DDX24: variants seen among roughly 807,000 people sequenced by gnomAD.
DDX24 encodes DEAD-box helicase 24.
DDX24 carries 24 observed loss-of-function variants against 68.9 expected under a neutral mutation model. The ratio of observed to expected loss-of-function variants is 0.35; its 90% CI spans 0.25 to 0.49. DDX24 has a LOEUF of 0.49. DDX24 is among the 20% of genes least tolerant of loss of function. The probability of loss-of-function intolerance (pLI) is 0.99; values close to 1 mark genes in which losing one functional copy is unlikely to be tolerated. For synonymous variants in DDX24, 395 were observed against 385.2 expected (o/e 1.03, Z -0.30); for missense variants, 989 against 1,039.0 (o/e 0.95, Z 0.66).
chr14:94,080,754 G>A (rs1886065754), intron 1 of DDX24, among the ~76,000 whole-genome samples: 1 of 152,174 alleles, frequency 6.6e-6, no homozygotes, highest in African/African-American at 2.4e-5. Flanking sequence ...TCAACAAGGA[G>A]AGGGCGAGGG....
chr14:94,055,935 C>T (rs1392693974), intron 6 of DDX24: 1 of 152,224 alleles, frequency 6.6e-6, no homozygotes, highest in Non-Finnish European at 1.5e-5. Flanking sequence ...AAATGCCAGG[C>T]ATGTTTTTAG....
Position 94,060,502 on chromosome 14 carries a change from C to A in DDX24, c.1509G>T (p.Thr503=), listed in dbSNP as rs775552312. ...NDSQYNPKRQ[T]LVFSATLTLV... ...GGGTGAGTGTGGCAGAAAAAACAAG[C>A]GTTTGTCTCTTTGGGTTGTATTGGG... Residue 503 remains threonine, a synonymous_variant, in exon 5 of 9, where the codon ACG becomes ACT. Transcript: ENST00000621632. The A allele has an allele frequency of 1.9e-6, 3 of 1,614,110 alleles. No individual in the cohort carries two copies. In the South Asian group the frequency reaches 3.3e-5, roughly 18 times the overall value.
Position 94,062,335 on chromosome 14 carries a change from A to G in DDX24, c.1005T>C (p.Asp335=), listed in dbSNP as rs1309683042. 2 of 1,614,238 alleles carry G rather than the reference A, an allele frequency of 1.2e-6. No individual in the cohort carries two copies. The highest frequency in any genetic ancestry group is 1.1e-5 in the South Asian group (1 of 91,084). The change falls in exon 3 of 9, where the codon GAT becomes GAC. Residue 335 remains aspartate, a synonymous_variant. Transcript: ENST00000621632. The stretch of plus-strand genomic sequence containing the variant: ...GGGAAGAAGGCCCTTCACCAGCATC[A>G]TCGTCACCAAAGAGCAACGCCTGGT... The part of the protein sequence containing the change: ...VSDQALLFGD[D]DAGEGPSSLI...
In DDX24 at chr14:94,051,293, G is replaced by A. The variant is rs779128937; in HGVS notation, c.2478C>T (p.Ser826=). ...TGGAGAGACAGCTCAAAGCAGACTCGCTCTTACTTGGGGCAGACACAAGCA... is the reference window on the plus strand; with the variant it reads ...TGGAGAGACAGCTCAAAGCAGACTCACTCTTACTTGGGGCAGACACAAGCA... ...PPLLVSAPSK[S]ESALSCLSKQ... is the part of the protein sequence containing the mutation. Residue 826 remains serine (S), a synonymous_variant, in exon 9 of 9, where the codon AGC becomes AGT. Transcript: ENST00000621632. 8.7e-6 allele frequency: 14 copies of A among 1,612,326 alleles called. No homozygotes were observed. Among genetic ancestry groups the A allele is most frequent in the African/African-American group, 1.3e-5 (1 of 74,680 alleles).
At chr14:94,056,411 A>G (rs904911653) in intron 6 of DDX24, 6 of 152,154 alleles carry the variant, frequency 3.9e-5, no homozygotes, top group Non-Finnish European at 7.3e-5. Context: ...ATCTTACCCA[A>G]TGAAGTCTCC....
chr14:94,079,675 A>T lies in DDX24; in HGVS notation c.68T>A (p.Ile23Asn). Residue 23 changes from isoleucine to asparagine, a missense_variant, in exon 2 of 9, where the codon ATC (isoleucine) becomes AAC (asparagine). Coordinates refer to ENST00000621632, the MANE Select transcript of DDX24 (RefSeq NM_020414.4). ...TTCCTTCCATTTTCCCACAACTTTG[A>T]TTCCCTTTGTCTGAAATTTGCCACA... ...SSCGKFQTKG[I>N]KVVGKWKEVK... 6.2e-7 allele frequency: 1 copy of T among 1,614,190 alleles called. No homozygotes were observed. The highest frequency in any genetic ancestry group is 8.5e-7 in the Non-Finnish European group (1 of 1,180,022).
intron 2 of DDX24, among the ~76,000 whole-genome samples, chr14:94,074,450 A>C (rs901580224): frequency 6.6e-6 from 1 of 152,260 alleles, no homozygotes; most frequent in African/African-American, 2.4e-5. Context: ...CCACATTGGC[A>C]GACTAAAAAT....
chr14:94,055,043 C>T lies in DDX24; in HGVS notation c.2131G>A (p.Asp711Asn). The change falls in exon 7 of 9, where the codon GAT becomes AAT. Residue 711 changes from aspartate (D) to asparagine (N), a missense_variant. By Grantham distance (23) the Asp-to-Asn change is conservative. Transcript: ENST00000621632. ...KIYKTLKKDEDIPLFPVQTKY... is the reference protein window; with the variant it reads ...KIYKTLKKDENIPLFPVQTKY... ...GTCTGCACGGGGAACAGTGGGATATCCTCATCTTTCTTGAGCGTTTTGTAA... is the reference window on the plus strand; with the variant it reads ...GTCTGCACGGGGAACAGTGGGATATTCTCATCTTTCTTGAGCGTTTTGTAA... The T allele has an allele frequency of 6.2e-7, 1 of 1,614,224 alleles. No individual in the cohort carries two copies. The highest frequency in any genetic ancestry group is 1.1e-5 in the South Asian group (1 of 91,076).
At chr14:94,058,809 T>C (rs1885537429) in intron 5 of DDX24, among the ~76,000 whole-genome samples, 1 of 152,240 alleles carries the variant, frequency 6.6e-6, no homozygotes, top group Admixed American at 6.5e-5. Flanking sequence ...AAACTTTTTC[T>C]GTAAAGAGCC....
intron 2 of DDX24, among the ~76,000 whole-genome samples, chr14:94,068,932 T>C (rs1885770934): frequency 6.6e-6 from 1 of 151,672 alleles, no homozygotes; most frequent in Non-Finnish European, 1.5e-5. Context: ...AAACAGACAA[T>C]CTAAGGTCAC....
rs760289255 is a variant in DDX24, at chr14:94,062,171, C to T, written c.1169G>A (p.Gly390Glu). 6.2e-7 allele frequency: 1 copy of T among 1,614,094 alleles called. No homozygotes were observed. The highest frequency in any genetic ancestry group is 2.2e-5 in the East Asian group (1 of 44,878). The change falls in exon 3 of 9, where the codon GGA becomes GAA. Residue 390 changes from glycine (G) to glutamate (E), a missense_variant. Gly to Glu is a moderately conservative substitution (Grantham distance 98, BLOSUM62 -2). Transcript: ENST00000621632. ...CTCTCGAGTGGGAGTCAGAACCAGTCCAAGCAGAGGACGCTTTGGATATGC... is the reference window on the plus strand; with the variant it reads ...CTCTCGAGTGGGAGTCAGAACCAGTTCAAGCAGAGGACGCTTTGGATATGC... The part of the protein sequence containing the change: ...CKAYPKRPLL[G>E]LVLTPTRELA...
intron 2 of DDX24, among the ~76,000 whole-genome samples, chr14:94,076,589 G>A (rs1885944849): frequency 6.6e-6 from 1 of 150,854 alleles, no homozygotes; most frequent in African/African-American, 2.4e-5. Context: ...GCTGAGGCAG[G>A]AGAATCACTT....
rs1885363838 is a variant in DDX24 at position 94,050,239 on chromosome 14, C to G, written c.*952G>C. Reference sequence around the variant, plus strand: ...ACATATTTATACCAGGCTGACCAAGCCTTGAGTTCCTCTTCTCCCAAGGAG... The same window carrying G: ...ACATATTTATACCAGGCTGACCAAGGCTTGAGTTCCTCTTCTCCCAAGGAG... On this transcript the variant is annotated 3_prime_UTR_variant, in exon 9 of 9. Coordinates refer to ENST00000621632, the MANE Select transcript of DDX24 (RefSeq NM_020414.4). 1 of 152,214 alleles carries G rather than the reference C, an allele frequency of 6.6e-6. No individual in the cohort carries two copies. The highest frequency in any genetic ancestry group is 1.5e-5 in the Non-Finnish European group (1 of 68,090). The allele number at this position is 152,214 out of a possible 1,614,324, so 9.4% of individuals were successfully genotyped here.
At position 94,051,029 on chromosome 14, in the gene DDX24, A is replaced by G; in HGVS notation, c.*162T>C. The G allele has an allele frequency of 1.4e-6, 1 of 736,770 alleles. No individual in the cohort carries two copies. Among genetic ancestry groups the G allele is most frequent in the East Asian group, 3.0e-5 (1 of 33,836 alleles). The allele number at this position is 736,770 out of a possible 1,614,324, so 45.6% of individuals were successfully genotyped here. A position where few individuals can be genotyped will look rare whatever the true frequency, so the allele number is the denominator to read the frequency against. On this transcript the variant is annotated 3_prime_UTR_variant, in exon 9 of 9. Transcript: ENST00000621632. Reference sequence around the variant, plus strand: ...CTGCATTGAATTCTTACTCCAAAACAATGCAAATCTGCATGAGGTCTCTCC... The same window carrying G: ...CTGCATTGAATTCTTACTCCAAAACGATGCAAATCTGCATGAGGTCTCTCC...
At chr14:94,073,086 C>CTTTTTTTTT (rs10716706) in intron 2 of DDX24, among the ~76,000 whole-genome samples, 1 of 125,688 alleles carries the variant, frequency 8.0e-6, no homozygotes, top group African/African-American at 3.0e-5. Flanking sequence ...ATTTTCTTTT[C>CTTTTTTTTT]TTTTTTTTTT....
In DDX24 at chr14:94,051,295, T is replaced by C. The variant is rs377666769; in HGVS notation, c.2476A>G (p.Ser826Gly). ...GAGAGACAGCTCAAAGCAGACTCGC[T>C]CTTACTTGGGGCAGACACAAGCAGG... ...PPLLVSAPSK[S>G]ESALSCLSKQ... The change falls in exon 9 of 9, where the codon AGC becomes GGC. Residue 826 changes from serine to glycine, a missense_variant. Around this residue, in one of 3 missense-constraint regions of DDX24, gnomAD observed 691 missense variants for 760.0 expected, o/e 0.91. Transcript: ENST00000621632. The C allele has an allele frequency of 1.1e-5, 18 of 1,612,664 alleles. No homozygotes were observed. The African/African-American group carries it at 2.1e-4, about 19-fold the overall frequency.
chr14:94,071,814 G>A (rs1265350721), intron 2 of DDX24, among the ~76,000 whole-genome samples: 7 of 151,872 alleles, frequency 4.6e-5, no homozygotes, highest in African/African-American at 7.3e-5. Flanking sequence ...GTATGGTGGC[G>A]CATGCCTGTA....
intron 2 of DDX24, among the ~76,000 whole-genome samples, chr14:94,077,346 T>G (rs1885964834): frequency 6.6e-6 from 1 of 152,216 alleles, no homozygotes; most frequent in Non-Finnish European, 1.5e-5. Context: ...ACAGGAACTG[T>G]GGTATACATC....
Position 94,070,909 on chromosome 14 carries a change from A to T in DDX24, c.718+8116T>A, listed in dbSNP as rs191996093. Among the ~76,000 whole-genome samples, 124 of 152,360 alleles carry T rather than the reference A, an allele frequency of 8.1e-4. 1 individual carries two copies. The Middle Eastern group carries it at 0.01, about 13-fold the overall frequency. On this transcript the variant is annotated intron_variant, in intron 2 of 8. Transcript: ENST00000621632. ...TAAGACCTGAAACTATAAAAATTCC[A>T]GAAAATTAACATTGGACAAACCCTT...
Sources: gnomAD v4.1 joint callset for allele counts (sites outside exome capture counted in the v4.1 genomes callset) on GRCh38, gnomAD v4.1.1 for gene constraint, gnomAD v4.1.1 regional missense constraint, MANE v1.5 for transcripts, NCBI Gene and HGNC (gene_info 2026-07-23, HGNC 2026-07-21) for gene names.